PRELID2: variants seen among roughly 807,000 people sequenced by gnomAD.
PRELID2 encodes the protein PRELI domain containing 2.
Under a neutral mutation model 28.4 loss-of-function variants are expected in PRELID2, and 25 were observed. The ratio of observed to expected loss-of-function variants is 0.88; its 90% confidence interval spans 0.64 to 1.23. The LOEUF (loss-of-function observed/expected upper bound fraction) is 1.23. Among genes scored for constraint, PRELID2 ranks in the 50% most tolerant of loss-of-function variants. The pLI, the probability that PRELID2 is intolerant of heterozygous loss-of-function variation, is 0.00. For synonymous variants in PRELID2, 76 were observed against 71.6 expected (o/e 1.06, Z -0.31); for missense variants, 201 against 214.4 (o/e 0.94, Z 0.39).
At chr5:145,644,320 C>G (rs1046699358) in intron 1 of PRELID2, among the ~76,000 whole-genome samples, 2 of 152,150 alleles carry the variant, frequency 1.3e-5, no homozygotes, top group African/African-American at 4.8e-5. Flanking sequence ...ATAGTATTCT[C>G]CGATGGTAGT....
chr5:145,374,480 G>A, the PRELID2 span, among the ~76,000 whole-genome samples: 8 of 152,008 alleles, frequency 5.3e-5, no homozygotes, highest in Admixed American at 5.3e-4. Context: ...TTCTCATGGA[G>A]TATCTTAGTG....
chr5:145,831,069 G>T (rs537037081), intron 1 of PRELID2, among the ~76,000 whole-genome samples: 40 of 152,162 alleles, frequency 2.6e-4, no homozygotes, highest in African/African-American at 9.6e-4. Context: ...AAATCATAAA[G>T]ACTGAAAGAA....
At chr5:145,654,047 T>C (rs1482086049) in intron 1 of PRELID2, among the ~76,000 whole-genome samples, 1 of 151,676 alleles carries the variant, frequency 6.6e-6, no homozygotes, top group Non-Finnish European at 1.5e-5. Flanking sequence ...ACAGATGCAA[T>C]AAAAAATGAT....
At chr5:145,505,775 A>G (rs1752405576) in intron 1 of PRELID2, among the ~76,000 whole-genome samples, 2 of 152,242 alleles carry the variant, frequency 1.3e-5, no homozygotes. Context: ...AAGAATGGAT[A>G]AAGAAAATGT....
intron 1 of PRELID2, among the ~76,000 whole-genome samples, chr5:145,666,225 T>G (rs1289436029): frequency 1.3e-5 from 2 of 152,088 alleles, no homozygotes; most frequent in East Asian, 3.9e-4. Context: ...CTTTCCTAAT[T>G]GTTTCAATAG....
At chr5:145,489,845 T>C (rs1256062903) in intron 1 of PRELID2, among the ~76,000 whole-genome samples, 3 of 152,242 alleles carry the variant, frequency 2.0e-5, no homozygotes, top group African/African-American at 7.2e-5. Flanking sequence ...TGTCGTTAGC[T>C]TTCTTTCAGT....
At chr5:145,527,986 T>C (rs1752623511) in intron 1 of PRELID2, among the ~76,000 whole-genome samples, 1 of 152,096 alleles carries the variant, frequency 6.6e-6, no homozygotes, top group Non-Finnish European at 1.5e-5. Context: ...ATAATTACTC[T>C]CATTTCAGAA....
At chr5:145,801,396 T>C (rs563201158) in intron 4 of PRELID2, among the ~76,000 whole-genome samples, 2 of 152,242 alleles carry the variant, frequency 1.3e-5, no homozygotes, top group South Asian at 2.1e-4. Context: ...TTGAAGTACA[T>C]AGTGTTTCAT....
At chr5:145,383,900 G>C in the PRELID2 span, among the ~76,000 whole-genome samples, 1 of 151,940 alleles carries the variant, frequency 6.6e-6, no homozygotes, top group African/African-American at 2.4e-5. Context: ...ATATATATGT[G>C]TGTGTGTATA....
At chr5:145,467,488 A>G (rs1752012423), downstream of PRELID2, among the ~76,000 whole-genome samples, 1 of 152,184 alleles carries the variant, frequency 6.6e-6, no homozygotes, top group Non-Finnish European at 1.5e-5. Context: ...TATATTTCAT[A>G]TTTTTAAAAT....
chr5:145,805,542 T>C (rs1358300319), intron 4 of PRELID2, among the ~76,000 whole-genome samples: 1 of 152,072 alleles, frequency 6.6e-6, no homozygotes, highest in African/African-American at 2.4e-5. Flanking sequence ...ATTACCAAGG[T>C]GAATCTACAT....
chr5:145,382,806 C>T, the PRELID2 span, among the ~76,000 whole-genome samples: 2 of 151,880 alleles, frequency 1.3e-5, no homozygotes, highest in African/African-American at 4.8e-5. Context: ...CAAACCTCAG[C>T]ATCACACAAT....
chr5:145,816,553 A>G (rs1754319486), intron 4 of PRELID2, among the ~76,000 whole-genome samples: 1 of 152,314 alleles, frequency 6.6e-6, no homozygotes, highest in South Asian at 2.1e-4. Context: ...TAAGTGTCTT[A>G]TAGTTTTAAC....
intron 4 of PRELID2, among the ~76,000 whole-genome samples, chr5:145,800,083 T>C (rs1002500165): frequency 2.0e-3 from 306 of 152,278 alleles, no homozygotes; most frequent in African/African-American, 7.1e-3. Context: ...CATGTGTTTA[T>C]ATGCATGCAT....
At chr5:145,415,507 A>T in the PRELID2 span, among the ~76,000 whole-genome samples, 18 of 137,744 alleles carry the variant, frequency 1.3e-4, no homozygotes, top group Non-Finnish European at 2.4e-4. Flanking sequence ...TTCAATTCCC[A>T]TCTATGAGCG....
At chr5:145,280,168 G>T in the PRELID2 span, among the ~76,000 whole-genome samples, 1 of 152,130 alleles carries the variant, frequency 6.6e-6, no homozygotes, top group African/African-American at 2.4e-5. Flanking sequence ...TGATGAGTTT[G>T]TTTGAAACAT....
chr5:145,650,954 C>T lies in PRELID2; in HGVS notation n.70+113977G>A, dbSNP rs899300424. 3.3e-5 allele frequency among the ~76,000 whole-genome samples: 5 copies of T among 152,084 alleles called. No individual in the cohort carries two copies. The South Asian group carries it at 8.3e-4, about 25-fold the overall frequency. ...CCACCGAGCGTGAGCCAAAGCAGGG[C>T]GAGGCATCGCCTCACCTGGGAAGCA... On this transcript the variant is annotated intron_variant and non_coding_transcript_variant, in intron 1 of 2. Coordinates refer to the PRELID2 transcript ENST00000510259.
At chr5:145,620,944 G>A (rs565638020) in intron 1 of PRELID2, among the ~76,000 whole-genome samples, 1 of 152,120 alleles carries the variant, frequency 6.6e-6, no homozygotes, top group Non-Finnish European at 1.5e-5. Context: ...GAAGACATCT[G>A]AATAACATCA....
the PRELID2 span, among the ~76,000 whole-genome samples, chr5:145,419,059 T>C: frequency 6.6e-6 from 1 of 151,056 alleles, no homozygotes; most frequent in African/African-American, 2.4e-5. Flanking sequence ...GGACATGAAC[T>C]CATCATTATT....
Sources: gnomAD v4.1 joint callset for allele counts (sites outside exome capture counted in the v4.1 genomes callset) on GRCh38, gnomAD v4.1.1 for gene constraint, MANE v1.5 for transcripts, NCBI Gene and HGNC (gene_info 2026-07-23, HGNC 2026-07-21) for gene names.